The following TDRKH variants were observed in gnomAD, a reference collection of about 807,000 sequenced individuals.
TDRKH encodes tudor and KH domain-containing protein.
In TDRKH, 28 loss-of-function variants were observed where a neutral mutation model predicts 61.3. The observed-to-expected ratio is 0.46, with a 90% CI of 0.34 to 0.63. The LOEUF (loss-of-function observed/expected upper bound fraction) is 0.63, where lower values mean the gene tolerates loss of function less well. Ranked by LOEUF, TDRKH falls within the 20% of genes least tolerant of loss-of-function variation. TDRKH has a pLI of 0.01. For missense variants in TDRKH, 540 were observed against 683.4 expected, an observed-to-expected ratio of 0.79 and a Z score of 2.34; for synonymous variants, 219 against 244.4, an observed-to-expected ratio of 0.90 and a Z score of 0.97.
At chr1:151,775,692 G>T in intron 9 of TDRKH, 128 bp downstream of exon 9, 1 of 1,481,242 alleles carries the variant, frequency 6.8e-7, no homozygotes, top group Non-Finnish European at 9.2e-7. Context: ...TGCTGCTAGT[G>T]CTGGTGAGGA....
chr1:151,775,283 G>T (rs376677382), intron 10 of TDRKH, 109 bp downstream of exon 10: 1 of 1,547,018 alleles, frequency 6.5e-7, no homozygotes. Flanking sequence ...TGGTGAGAAG[G>T]ATCTTACAGT....
In TDRKH at chr1:151,781,546, C is replaced by T. The variant is rs1424840067; in HGVS notation, c.166G>A (p.Glu56Lys). The part of the protein sequence containing the change: ...TFVGEDDIEI[E>K]MRVPQEAVKL... ...ACAGCCTCCTGGGGAACCCGCATCT[C>T]TATCTCAATGTCATCTTCCCCAACA... The change falls in exon 3 of 13, where the codon GAG becomes AAG. Residue 56 changes from glutamate (E) to lysine (K), a missense_variant. Coordinates refer to ENST00000368824, the MANE Select transcript of TDRKH (RefSeq NM_001083965.2). 2.5e-6 allele frequency: 4 copies of T among 1,613,562 alleles called. No homozygotes were observed. In the East Asian group the frequency reaches 6.7e-5, roughly 27 times the overall value.
At chr1:151,770,027 G>A (rs1206875029), downstream of TDRKH, 3 of 1,382,344 alleles carry the variant, frequency 2.2e-6, no homozygotes, top group Admixed American at 5.4e-5. Context: ...CAGCAGTACA[G>A]TCCAGCTTCG....
At chr1:151,786,175 A>C (rs1337084897) in intron 1 of TDRKH, among the ~76,000 whole-genome samples, 2 of 152,178 alleles carry the variant, frequency 1.3e-5, no homozygotes, top group Non-Finnish European at 2.9e-5. Flanking sequence ...AGAAAGGAGA[A>C]CATCTAGCAC....
intron 1 of TDRKH, among the ~76,000 whole-genome samples, chr1:151,784,894 C>A (rs538206641): frequency 6.6e-6 from 1 of 151,914 alleles, no homozygotes; most frequent in Non-Finnish European, 1.5e-5. Context: ...TGATTCACCC[C>A]CTTCCCATAA....
downstream of TDRKH, chr1:151,771,237 CTT>C (rs750556985): frequency 1.9e-6 from 3 of 1,608,928 alleles, no homozygotes; most frequent in South Asian, 3.3e-5. Context: ...TATTCCAACG[CTT>C]TGAGGGGCTG....
At chr1:151,782,769 C>CA in intron 2 of TDRKH, 130 bp downstream of exon 2, 4 of 1,293,506 alleles carry the variant, frequency 3.1e-6, no homozygotes, top group East Asian at 2.8e-5. Flanking sequence ...GACCCTGTCT[C>CA]AAAAAAACCC....
intron 11 of TDRKH, 62 bp from the exon 12 acceptor site, chr1:151,774,868 C>T: frequency 6.4e-7 from 1 of 1,564,468 alleles, no homozygotes; most frequent in Non-Finnish European, 8.8e-7. Context: ...AAAGAGGCCA[C>T]CCTTTCATTC....
chr1:151,790,453 C>T lies in TDRKH; in HGVS notation c.-101G>A, dbSNP rs371926898. The T allele has an allele frequency of 2.1e-4, 32 of 153,228 alleles. No homozygotes were observed. The highest frequency in any genetic ancestry group is 7.5e-4 in the African/African-American group (31 of 41,578). 9.5% of individuals were successfully genotyped at this position (153,228 alleles called of 1,614,324 possible). ...TGCGCCGCCTCGCGCCTCACCCCAG[C>T]TGCAGCCACCAGCGCCGCCGCCTCC... is the stretch of plus-strand genomic sequence containing the variant. On this transcript the variant is annotated 5_prime_UTR_variant, in exon 1 of 13. Transcript: ENST00000368824.
downstream of TDRKH, among the ~76,000 whole-genome samples, chr1:151,768,446 G>C (rs947721136): frequency 1.3e-5 from 2 of 152,290 alleles, no homozygotes; most frequent in African/African-American, 4.8e-5. Context: ...GTTGAATAAC[G>C]GGAAGTACTT....
chr1:151,770,196 GGAAGA>G, downstream of TDRKH: 1 of 1,613,866 alleles, frequency 6.2e-7, no homozygotes, highest in Non-Finnish European at 8.5e-7. Context: ...TGGAGTACGT[GGAAGA>G]GAAGACAAAT....
downstream of TDRKH, among the ~76,000 whole-genome samples, chr1:151,768,933 T>C (rs867379252): frequency 3.3e-5 from 5 of 152,294 alleles, no homozygotes; most frequent in African/African-American, 1.2e-4. Context: ...CCTTAATCCA[T>C]TTAACCCTGA....
chr1:151,769,535 C>T (rs1342955391), downstream of TDRKH: 1 of 190,582 alleles, frequency 5.2e-6, no homozygotes, highest in South Asian at 9.0e-5. Context: ...TAGAGGCGCT[C>T]CCCACATCCC....
chr1:151,779,864 C>A, intron 4 of TDRKH, 87 bp downstream of exon 4: 3 of 1,399,914 alleles, frequency 2.1e-6, no homozygotes, highest in Non-Finnish European at 2.9e-6. Context: ...TGAAGGGGAA[C>A]TAGGCCAGAA....
downstream of TDRKH, chr1:151,767,635 T>C (rs1475137209): frequency 6.7e-6 from 2 of 300,600 alleles, no homozygotes; most frequent in African/African-American, 4.3e-5. Context: ...TGCCCACATA[T>C]CATATTGCAA....
downstream of TDRKH, chr1:151,766,526 G>A: frequency 1.6e-6 from 1 of 608,120 alleles, no homozygotes; most frequent in Admixed American, 3.0e-5. Context: ...GCCATAACAT[G>A]CATACTAGTC....
At chr1:151,770,969 A>C, downstream of TDRKH, 1 of 1,463,358 alleles carries the variant, frequency 6.8e-7, no homozygotes. Flanking sequence ...ATATGCCTGC[A>C]CTACACTGCT....
chr1:151,789,057 T>G (rs1163873831), intron 1 of TDRKH, among the ~76,000 whole-genome samples: 2 of 152,138 alleles, frequency 1.3e-5, no homozygotes, highest in Non-Finnish European at 2.9e-5. Flanking sequence ...GAGTTTGTTG[T>G]TGTTTATTTA....
intron 2 of TDRKH, among the ~76,000 whole-genome samples, chr1:151,782,514 G>A (rs1028114853): frequency 6.6e-6 from 1 of 151,820 alleles, no homozygotes; most frequent in Non-Finnish European, 1.5e-5. Context: ...AAAATACCTG[G>A]GTCAGGCATG....
Sources: allele counts gnomAD v4.1 joint callset (sites outside exome capture counted in the v4.1 genomes callset), GRCh38; gene constraint gnomAD v4.1.1; transcripts MANE v1.5; gene names NCBI Gene and HGNC (gene_info 2026-07-23, HGNC 2026-07-21).